Variants in ANK1 observed in about 807,000 individuals in gnomAD.
ANK1 encodes ankyrin-1.
In ANK1, 51 loss-of-function variants were observed where a neutral mutation model predicts 210.4. The ratio of observed to expected loss-of-function variants is 0.24; its 90% confidence interval spans 0.19 to 0.31. The LOEUF (loss-of-function observed/expected upper bound fraction) is 0.31, where lower values mean the gene tolerates loss of function less well. ANK1 is among the 10% of genes least tolerant of loss of function. The probability of loss-of-function intolerance (pLI) is 1.00; values close to 1 mark genes in which losing one functional copy is unlikely to be tolerated. For synonymous variants in ANK1, 967 were observed against 1,025.9 expected (o/e 0.94, Z 1.10); for missense variants, 2,051 against 2,504.4 (o/e 0.82, Z 3.86).
chr8:41,753,739 C>T (rs577250604), intron 2 of ANK1, among the ~76,000 whole-genome samples: 3 of 144,362 alleles, frequency 2.1e-5, no homozygotes, highest in South Asian at 2.4e-4. Flanking sequence ...CCCATCTTTA[C>T]GTCCCTGTCT....
chr8:41,697,317 A>T (rs1358094683), intron 24 of ANK1, among the ~76,000 whole-genome samples: 1 of 152,134 alleles, frequency 6.6e-6, no homozygotes, highest in African/African-American at 2.4e-5. Context: ...TAACGCTGCA[A>T]CTACAGGGAT....
At chr8:41,800,175 C>G (rs1021141056), upstream of ANK1, among the ~76,000 whole-genome samples, 10 of 152,178 alleles carry the variant, frequency 6.6e-5, no homozygotes, top group African/African-American at 2.4e-4. Context: ...TCCACTCCCC[C>G]AAACCCCTTC....
At chr8:41,693,386 G>C (rs879428915) in intron 29 of ANK1, among the ~76,000 whole-genome samples, 185 bp from the exon 30 acceptor site, 2 of 144,264 alleles carry the variant, frequency 1.4e-5, no homozygotes, top group Non-Finnish European at 1.5e-5. Flanking sequence ...CTCCTCCTAG[G>C]GCTTGGAGAG....
intron 1 of ANK1, among the ~76,000 whole-genome samples, chr8:41,832,559 C>A (rs950079003): frequency 6.6e-6 from 1 of 152,168 alleles, no homozygotes; most frequent in African/African-American, 2.4e-5. Flanking sequence ...CCCAAGAAAG[C>A]AGAGCCAAGT....
At position 41,821,484 on chromosome 8, in the gene ANK1, A is replaced by G. The variant is rs542676468; in HGVS notation, c.127-63347T>C. On this transcript the variant is annotated intron_variant, in intron 1 of 42. Transcript: ENST00000265709. ...AGATGTCATTCAACCGTAGGGCTTTAAACAAAATAAGTGCTCAGTAATTAC... is the reference window on the plus strand; with the variant it reads ...AGATGTCATTCAACCGTAGGGCTTTGAACAAAATAAGTGCTCAGTAATTAC... 2.0e-5 allele frequency among the ~76,000 whole-genome samples: 3 copies of G among 152,322 alleles called. No homozygotes were observed. The South Asian group carries it at 6.2e-4, about 32-fold the overall frequency.
upstream of ANK1, among the ~76,000 whole-genome samples, chr8:41,799,103 C>T (rs1849427139): frequency 6.6e-6 from 1 of 152,238 alleles, no homozygotes. Context: ...GCCATGTCTA[C>T]CACAGCACAG....
rs188795854 is a variant in ANK1 at position 41,696,864 on chromosome 8, G to A, written c.2638-91C>T. On this transcript the variant is annotated intron_variant, in intron 24 of 42. Transcript: ENST00000289734. ...CGTGGAGGCTTGGAAGAACCTTGCCGCTAGAAACCAGGTGCCACGTGGAGA... is the reference window on the plus strand; with the variant it reads ...CGTGGAGGCTTGGAAGAACCTTGCCACTAGAAACCAGGTGCCACGTGGAGA... 21 of 1,257,890 alleles carry A rather than the reference G, an allele frequency of 1.7e-5. 1 individual carries two copies. Among genetic ancestry groups the A allele is most frequent in the Middle Eastern group, 2.6e-4 (1 of 3,872 alleles). 77.9% of individuals were successfully genotyped at this position (1,257,890 alleles called of 1,614,324 possible). A position where few individuals can be genotyped will look rare whatever the true frequency, so the allele number is the denominator to read the frequency against.
chr8:41,686,993 G>C (rs566956947), intron 35 of ANK1, among the ~76,000 whole-genome samples: 1 of 152,032 alleles, frequency 6.6e-6, no homozygotes, highest in Admixed American at 6.6e-5. Context: ...ACACATACAC[G>C]TGCATACACA....
chr8:41,769,901 CAATAACTGATAATAT>C (rs1563723738), intron 1 of ANK1, among the ~76,000 whole-genome samples: 2 of 151,068 alleles, frequency 1.3e-5, no homozygotes. Flanking sequence ...TGCATTTCCC[CAATAACTGATAATAT>C]TAAACACCTT....
chr8:41,861,317 G>A (rs762702926), intron 1 of ANK1, among the ~76,000 whole-genome samples: 11 of 152,164 alleles, frequency 7.2e-5, no homozygotes, highest in Non-Finnish European at 1.3e-4. Flanking sequence ...CTGTGGAAAC[G>A]AGTTCTACCA....
At position 41,824,120 on chromosome 8, in the gene ANK1, T is replaced by A. The variant is rs535897828; in HGVS notation, c.127-65983A>T. Among the ~76,000 whole-genome samples, 55 of 152,016 alleles carry A rather than the reference T, an allele frequency of 3.6e-4. 1 individual carries two copies. The highest frequency in any genetic ancestry group is 6.8e-3 in the Middle Eastern group (2 of 294). ...GATTACAGGTGCACGCCACCATGCC[T>A]GGTTAATTTTTGTATTTTTAGTAGA... On this transcript the variant is annotated intron_variant, in intron 1 of 42. Transcript: ENST00000265709.
At position 41,706,145 on chromosome 8, in the gene ANK1, G is replaced by A. The variant is rs760027398; in HGVS notation, c.2095C>T (p.Arg699Trp). ...KHGVMVDATTRMGYTPLHVAS... is the reference protein window; with the variant it reads ...KHGVMVDATTWMGYTPLHVAS... The stretch of plus-strand genomic sequence containing the variant: ...GAAGTTCCGGCTGCCTGCCTTACCC[G>A]GGTGGTGGCGTCCACCATGACGCCG... The change falls in exon 18 of 43, where the codon CGG becomes TGG. Residue 699 changes from arginine to tryptophan, a missense_variant and splice_region_variant. By Grantham distance (101) the Arg-to-Trp change is moderately radical. This residue lies in a region of ANK1 where 1,413 missense variants were observed against 1,707.4 expected (regional missense o/e 0.83). Coordinates refer to ENST00000289734, the MANE Select transcript of ANK1 (RefSeq NM_000037.4). The A allele has an allele frequency of 1.6e-5, 26 of 1,613,666 alleles. No homozygotes were observed. Among genetic ancestry groups the A allele is most frequent in the African/African-American group, 6.7e-5 (5 of 74,926 alleles).
chr8:41,797,362 G>A lies in ANK1; in HGVS notation c.27+150C>T. ...TGCTGCCTTCAGCTACAAGGTCGAT[G>A]TGCCGCTATGCTAAGGCAGGGAGCC... On this transcript the variant is annotated intron_variant, in intron 1 of 42. Coordinates refer to ENST00000289734, the MANE Select transcript of ANK1 (RefSeq NM_000037.4). This position sits in a 1 kb window ranked among gnomAD's most constrained non-coding sequence, Gnocchi z 4.0. 2 of 674,690 alleles carry A rather than the reference G, an allele frequency of 3.0e-6. No homozygotes were observed. Among genetic ancestry groups the A allele is most frequent in the South Asian group, 3.6e-5 (2 of 55,798 alleles). The allele number at this position is 674,690 out of a possible 1,614,324, so 41.8% of individuals were successfully genotyped here.
At position 41,672,595 on chromosome 8, in the gene ANK1, C is replaced by G. The variant is rs774067157; in HGVS notation, c.4855G>C (p.Glu1619Gln). The change falls in exon 38 of 43, where the codon GAA (glutamate) becomes CAA (glutamine). Residue 1619 changes from glutamate to glutamine, a missense_variant. By Grantham distance (29) the Glu-to-Gln change is conservative. This residue lies in a region of ANK1 where 496 missense variants were observed against 533.4 expected (regional missense o/e 0.93). Transcript: ENST00000289734. ...EPRGPELGSL[E>Q]LVEDDTVDSD... ...TCCACTGTGTCGTCCTCCACAAGTT[C>G]CAGAGAGCCCAACTCGGGGCCCCGC... The G allele has an allele frequency of 6.2e-7, 1 of 1,614,242 alleles. No homozygotes were observed. The highest frequency in any genetic ancestry group is 8.5e-7 in the Non-Finnish European group (1 of 1,180,046).
rs548133675 is a variant in ANK1, at chr8:41,859,451, A to T, written c.126+36904T>A. 1.6e-4 allele frequency among the ~76,000 whole-genome samples: 24 copies of T among 152,264 alleles called. No individual in the cohort carries two copies. The South Asian group carries it at 5.0e-3, about 32-fold the overall frequency. On this transcript the variant is annotated intron_variant, in intron 1 of 42. Transcript: ENST00000265709. ...AACCTCCACTTCCCGGGTTCAAGTG[A>T]TTCTCTTGCTTCAGCGTCTTGAGTA...
At chr8:41,887,902 G>T (rs1038308918) in intron 1 of ANK1, among the ~76,000 whole-genome samples, 1 of 152,228 alleles carries the variant, frequency 6.6e-6, no homozygotes, top group Non-Finnish European at 1.5e-5. Flanking sequence ...AGAGTGGATG[G>T]GTCCTGCTCC....
chr8:41,726,293 C>T (rs1830678993), intron 5 of ANK1, among the ~76,000 whole-genome samples: 1 of 152,178 alleles, frequency 6.6e-6, no homozygotes, highest in African/African-American at 2.4e-5. Flanking sequence ...TCTGCTGGTA[C>T]CAGGATAGTG....
rs1291679242 is a variant in ANK1, at chr8:41,664,832, C to T, written c.5395-1090G>A. On this transcript the variant is annotated intron_variant, in intron 39 of 42. Coordinates refer to ENST00000289734, the MANE Select transcript of ANK1 (RefSeq NM_000037.4). ...TCAGGAAGACCCGCCGCCGGACCAC[C>T]CTGGTGGAGATGGTCTCCTCGTCGT... The T allele has an allele frequency of 1.9e-6, 3 of 1,611,576 alleles. No homozygotes were observed. In the African/African-American group the frequency reaches 4.0e-5, roughly 22 times the overall value.
chr8:41,660,616 C>T lies in ANK1; in HGVS notation c.*36+814G>A, dbSNP rs948496484. 39 of 440,516 alleles carry T rather than the reference C, an allele frequency of 8.9e-5. No homozygotes were observed. In the Admixed American group the frequency reaches 1.0e-3, roughly 12 times the overall value. 27.3% of individuals were successfully genotyped at this position (440,516 alleles called of 1,614,324 possible). A position where few individuals can be genotyped will look rare whatever the true frequency, so the allele number is the denominator to read the frequency against. ...CATGTCCCTTCCTCATGGCACGGCA[C>T]GGCACGGCATGCCCCTGCTCTGTGG... On this transcript the variant is annotated intron_variant, in intron 42 of 42. Transcript: ENST00000289734.
Sources: gnomAD v4.1 joint callset for allele counts (sites outside exome capture counted in the v4.1 genomes callset) on GRCh38, gnomAD v4.1.1 for gene constraint, gnomAD v4.1.1 regional missense constraint, Gnocchi (gnomAD v3.1) non-coding constraint, MANE v1.5 for transcripts, NCBI Gene and HGNC (gene_info 2026-07-23, HGNC 2026-07-21) for gene names.